The following VPS53 variants were observed in gnomAD, a reference collection of about 807,000 sequenced individuals.
VPS53 encodes VPS53 subunit of GARP complex, also known as vacuolar protein sorting-associated protein 53 homolog.
VPS53 carries 70 observed loss-of-function variants against 107.0 expected under a neutral mutation model. The observed-to-expected ratio is 0.65, with a 90% CI of 0.54 to 0.80. The LOEUF (loss-of-function observed/expected upper bound fraction) is 0.80, where lower values mean the gene tolerates loss of function less well. Ranked by LOEUF, VPS53 falls within the 30% of genes least tolerant of loss-of-function variation. VPS53 has a pLI of 0.00. For missense variants in VPS53, 917 were observed against 1,049.4 expected (o/e 0.87, Z 1.74); for synonymous variants, 409 against 393.3 (o/e 1.04, Z -0.47).
At chr17:570,740 C>T (rs1913962344) in intron 13 of VPS53, among the ~76,000 whole-genome samples, 1 of 152,142 alleles carries the variant, frequency 6.6e-6, no homozygotes, top group Non-Finnish European at 1.5e-5. Flanking sequence ...TAGGGCTATT[C>T]AAACAGGCCA....
At chr17:590,695 T>C (rs1225345048) in intron 12 of VPS53, among the ~76,000 whole-genome samples, 1 of 150,640 alleles carries the variant, frequency 6.6e-6, no homozygotes, top group Non-Finnish European at 1.5e-5. Flanking sequence ...GATTTGCGTA[T>C]ATTGAACCAG....
rs115024500 is a variant in VPS53, at chr17:597,487, G to C, written c.1218+4308C>G. Among the ~76,000 whole-genome samples the C allele has an allele frequency of 2.9e-3, 447 of 152,290 alleles. 4 individuals are homozygous for C. Among genetic ancestry groups the C allele is most frequent in the African/African-American group, 0.01 (426 of 41,564 alleles). On this transcript the variant is annotated intron_variant, in intron 12 of 21. Coordinates refer to ENST00000437048, the MANE Select transcript of VPS53 (RefSeq NM_001128159.3). ...AGGCATTAGTCACTGGCATGTAAGT[G>C]TTATTACTAATCAGTAATAGCCCAT...
chr17:701,611 C>T (rs898833674), intron 2 of VPS53, among the ~76,000 whole-genome samples: 1 of 152,206 alleles, frequency 6.6e-6, no homozygotes, highest in South Asian at 2.1e-4. Context: ...CTCTTGACCT[C>T]GTGATCTGCC....
intron 13 of VPS53, among the ~76,000 whole-genome samples, chr17:565,403 C>CAAAAAAAAAAAAAAAA (rs535932031): frequency 2.4e-5 from 2 of 82,530 alleles, no homozygotes; most frequent in Non-Finnish European, 4.5e-5. Context: ...AACCCCATCT[C>CAAAAAAAAAAAAAAAA]AAAAAAAAAA....
At chr17:543,878 G>A (rs1358643106) in intron 17 of VPS53, among the ~76,000 whole-genome samples, 2 of 55,132 alleles carry the variant, frequency 3.6e-5, no homozygotes, top group Non-Finnish European at 6.9e-5. Context: ...GGAAGGAGGG[G>A]AGTTTGGAGG....
At position 695,322 on chromosome 17, in the gene VPS53, T is replaced by C. The variant is rs549677555; in HGVS notation, c.285+2096A>G. 2.0e-5 allele frequency among the ~76,000 whole-genome samples: 3 copies of C among 152,268 alleles called. No homozygotes were observed. In the East Asian group the frequency reaches 5.8e-4, roughly 29 times the overall value. On this transcript the variant is annotated intron_variant, in intron 4 of 21. Coordinates refer to ENST00000437048, the MANE Select transcript of VPS53 (RefSeq NM_001128159.3). The stretch of plus-strand genomic sequence containing the variant: ...ATTCAGATAAGGTCCATGGAAAACA[T>C]CGTCAAGAAACTAGTATCTGAGCTG...
At chr17:596,038 T>C (rs1967956980) in intron 12 of VPS53, among the ~76,000 whole-genome samples, 1 of 151,630 alleles carries the variant, frequency 6.6e-6, no homozygotes. Flanking sequence ...CTCTACTATG[T>C]TAGCTGTCCC....
chr17:558,538 G>A (rs1176967232), intron 15 of VPS53, among the ~76,000 whole-genome samples: 2 of 152,192 alleles, frequency 1.3e-5, no homozygotes, highest in Admixed American at 1.3e-4. Flanking sequence ...CGAGGCTGAG[G>A]CAGGAGAATG....
At chr17:659,849 G>C (rs1971374031) in intron 5 of VPS53, among the ~76,000 whole-genome samples, 1 of 152,206 alleles carries the variant, frequency 6.6e-6, no homozygotes, top group South Asian at 2.1e-4. Flanking sequence ...GGAGCTGACT[G>C]GTCTCTTTAT....
intron 17 of VPS53, among the ~76,000 whole-genome samples, chr17:544,202 T>C (rs1911004553): frequency 6.6e-6 from 1 of 152,140 alleles, no homozygotes; most frequent in African/African-American, 2.4e-5. Flanking sequence ...GAGATGAATA[T>C]ACACCATGAT....
At position 524,494 on chromosome 17, in the gene VPS53, G is replaced by A. The variant is rs536940139; in HGVS notation, c.2086-2756C>T. On this transcript the variant is annotated intron_variant, in intron 19 of 21. Coordinates refer to ENST00000437048, the MANE Select transcript of VPS53 (RefSeq NM_001128159.3). This position sits in a 1 kb window ranked among gnomAD's most constrained non-coding sequence, Gnocchi z 4.5. Reference sequence around the variant, plus strand: ...AACGTTGACAAGGGAACGGGGTTCCGAACATGAAGATTCCTACACATCAAC... The same window carrying A: ...AACGTTGACAAGGGAACGGGGTTCCAAACATGAAGATTCCTACACATCAAC... 2.0e-5 allele frequency among the ~76,000 whole-genome samples: 3 copies of A among 152,216 alleles called. No individual in the cohort carries two copies. The highest frequency in any genetic ancestry group is 4.8e-5 in the African/African-American group (2 of 41,522).
At chr17:617,527 A>C (rs781666987) in intron 11 of VPS53, among the ~76,000 whole-genome samples, 1 of 151,366 alleles carries the variant, frequency 6.6e-6, no homozygotes. Context: ...TCAGCCTCTC[A>C]GGTAGCTGGG....
chr17:714,558 G>T, intron 1 of VPS53, 65 bp downstream of exon 1: 1 of 1,461,772 alleles, frequency 6.8e-7, no homozygotes, highest in Non-Finnish European at 9.2e-7. Context: ...GGCCTCCCCA[G>T]CGCCCGGAGC....
intron 2 of VPS53, among the ~76,000 whole-genome samples, chr17:706,348 C>T (rs1973397713): frequency 6.6e-6 from 1 of 151,942 alleles, no homozygotes; most frequent in South Asian, 2.1e-4. Flanking sequence ...ACCATCCTGG[C>T]CAACATGGTG....
chr17:577,720 T>A (rs1050495870), intron 13 of VPS53, among the ~76,000 whole-genome samples: 3 of 145,908 alleles, frequency 2.1e-5, no homozygotes, highest in Admixed American at 6.8e-5. Flanking sequence ...AGCACGTAAT[T>A]CATTCCCAGA....
At chr17:575,964 CT>C (rs2151872349) in intron 13 of VPS53, among the ~76,000 whole-genome samples, 1 of 151,598 alleles carries the variant, frequency 6.6e-6, no homozygotes, top group South Asian at 2.1e-4. Flanking sequence ...TCCCAGAGAA[CT>C]TCACTCAGAA....
At chr17:611,638 C>T (rs1026010788) in intron 11 of VPS53, among the ~76,000 whole-genome samples, 6 of 152,270 alleles carry the variant, frequency 3.9e-5, no homozygotes, top group African/African-American at 1.4e-4. Context: ...CAAATATTCA[C>T]AGCAGTATTC....
At chr17:532,602 C>A in intron 19 of VPS53, 1 of 1,004,498 alleles carries the variant, frequency 1.0e-6, no homozygotes, top group Non-Finnish European at 1.3e-6. Context: ...GGAGCAGGGA[C>A]CTTTCCATGG....
At chr17:671,563 G>A (rs1016737363) in intron 4 of VPS53, among the ~76,000 whole-genome samples, 5 of 152,082 alleles carry the variant, frequency 3.3e-5, no homozygotes, top group South Asian at 2.1e-4. Context: ...AAGGTAGTAA[G>A]GAATGTGAGA....
Sources: gnomAD v4.1 joint callset for allele counts (sites outside exome capture counted in the v4.1 genomes callset) on GRCh38, gnomAD v4.1.1 for gene constraint, Gnocchi (gnomAD v3.1) non-coding constraint, MANE v1.5 for transcripts, NCBI Gene and HGNC (gene_info 2026-07-23, HGNC 2026-07-21) for gene names.